Variants in GUCY2C observed in about 807,000 individuals in gnomAD.
The protein encoded by GUCY2C is guanylate cyclase 2C, also known as guanylyl cyclase C.
Under a neutral mutation model 131.1 loss-of-function variants are expected in GUCY2C, and 118 were observed. The ratio of observed to expected loss-of-function variants is 0.90; its 90% CI spans 0.78 to 1.05. The LOEUF is 1.05. GUCY2C is among the 50% of genes least tolerant of loss of function. The pLI is 0.00. For synonymous variants in GUCY2C, 452 were observed against 457.8 expected (o/e 0.99, Z 0.16); for missense variants, 1,161 against 1,304.4 (o/e 0.89, Z 1.69).
chr12:14,672,516 A>G (rs1948135806), intron 9 of GUCY2C, among the ~76,000 whole-genome samples: 1 of 152,346 alleles, frequency 6.6e-6, no homozygotes, highest in South Asian at 2.1e-4. Context: ...TGAGTAAACA[A>G]TTCTTAGGAA....
At chr12:14,651,006 A>C (rs1451427595) in intron 15 of GUCY2C, among the ~76,000 whole-genome samples, 1 of 152,158 alleles carries the variant, frequency 6.6e-6, no homozygotes, top group Non-Finnish European at 1.5e-5. Flanking sequence ...TCCTCAGTCC[A>C]AGAGTGGAGT....
chr12:14,686,034 A>G (rs774539683), intron 3 of GUCY2C, 127 bp downstream of exon 3: 6 of 639,714 alleles, frequency 9.4e-6, no homozygotes, highest in Non-Finnish European at 1.7e-5. Flanking sequence ...AATGACAGTT[A>G]TGGGGAGATG....
chr12:14,675,193 G>T (rs914446906), intron 7 of GUCY2C, among the ~76,000 whole-genome samples: 4 of 112,822 alleles, frequency 3.5e-5, no homozygotes, highest in African/African-American at 3.4e-5. Flanking sequence ...GGGTGACAGA[G>T]TGAAACTCCA....
intron 19 of GUCY2C, among the ~76,000 whole-genome samples, chr12:14,639,638 G>C (rs973929506): frequency 1.3e-5 from 2 of 152,182 alleles, no homozygotes; most frequent in Non-Finnish European, 2.9e-5. Context: ...GAATTGTGTG[G>C]CCATAAGATA....
chr12:14,626,920 G>T (rs1342482576), intron 20 of GUCY2C, among the ~76,000 whole-genome samples: 1 of 152,120 alleles, frequency 6.6e-6, no homozygotes, highest in East Asian at 1.9e-4. Flanking sequence ...TTAAAAGCTG[G>T]TCAAGAAAGT....
At chr12:14,685,159 A>T (rs908354217) in intron 3 of GUCY2C, among the ~76,000 whole-genome samples, 10 of 152,232 alleles carry the variant, frequency 6.6e-5, no homozygotes, top group Admixed American at 2.6e-4. Context: ...TGGTGAATCA[A>T]TTTTTCCAAT....
At chr12:14,630,281 C>A (rs1335601592) in intron 19 of GUCY2C, among the ~76,000 whole-genome samples, 1 of 151,904 alleles carries the variant, frequency 6.6e-6, no homozygotes, top group Non-Finnish European at 1.5e-5. Context: ...CCAATATTCA[C>A]CACTAGATGA....
chr12:14,654,211 C>T (rs1947719663), intron 12 of GUCY2C, among the ~76,000 whole-genome samples: 1 of 152,132 alleles, frequency 6.6e-6, no homozygotes, highest in Non-Finnish European at 1.5e-5. Context: ...ATATTCTGAC[C>T]CTTCCTGTTC....
chr12:14,638,642 A>G (rs1459511273), intron 19 of GUCY2C, among the ~76,000 whole-genome samples: 1 of 152,192 alleles, frequency 6.6e-6, no homozygotes, highest in African/African-American at 2.4e-5. Flanking sequence ...TCACTCATGC[A>G]GGGGCTGAAA....
At chr12:14,667,999 C>CTTTTTT (rs11355096) in intron 10 of GUCY2C, among the ~76,000 whole-genome samples, 6 of 76,498 alleles carry the variant, frequency 7.8e-5, no homozygotes, top group Admixed American at 1.7e-4. Flanking sequence ...TAATAATTTT[C>CTTTTTT]TTTTTTTTTT....
intron 13 of GUCY2C, 94 bp downstream of exon 13, chr12:14,652,858 C>T (rs1947691513): frequency 2.4e-6 from 2 of 838,894 alleles, no homozygotes; most frequent in Non-Finnish European, 4.2e-6. Context: ...GGACTCCCAC[C>T]ATTGTGATAC....
At chr12:14,648,409 A>C (rs1259394807) in intron 15 of GUCY2C, among the ~76,000 whole-genome samples, 1 of 152,200 alleles carries the variant, frequency 6.6e-6, no homozygotes, top group Non-Finnish European at 1.5e-5. Flanking sequence ...TCCTTCCTTC[A>C]TTACAAAAAC....
chr12:14,690,177 C>G (rs1167368737), intron 1 of GUCY2C, among the ~76,000 whole-genome samples: 1 of 152,228 alleles, frequency 6.6e-6, no homozygotes, highest in Non-Finnish European at 1.5e-5. Context: ...ACACATTTCT[C>G]CTCTTAGAAA....
chr12:14,683,452 A>G (rs1207646831), intron 3 of GUCY2C, among the ~76,000 whole-genome samples, 195 bp from the exon 4 acceptor site: 3 of 152,210 alleles, frequency 2.0e-5, no homozygotes, highest in Non-Finnish European at 2.9e-5. Context: ...AGCACATGCT[A>G]TGTTCTAAGC....
intron 1 of GUCY2C, among the ~76,000 whole-genome samples, chr12:14,688,307 C>T (rs1948513186): frequency 6.6e-6 from 1 of 152,020 alleles, no homozygotes; most frequent in Admixed American, 6.6e-5. Flanking sequence ...ATTTATCTAT[C>T]ATAAAAATCA....
chr12:14,643,156 T>C (rs1265449439), intron 17 of GUCY2C, among the ~76,000 whole-genome samples: 1 of 152,242 alleles, frequency 6.6e-6, no homozygotes, highest in Admixed American at 6.5e-5. Context: ...AAATGAATGA[T>C]GTCTTGAATG....
intron 21 of GUCY2C, among the ~76,000 whole-genome samples, chr12:14,625,331 T>C (rs1477702297): frequency 2.0e-5 from 3 of 147,004 alleles, no homozygotes; most frequent in African/African-American, 7.4e-5. Context: ...ACATGCATTT[T>C]TTTTTTTTTT....
At chr12:14,623,056 G>C (rs1946927109) in intron 21 of GUCY2C, among the ~76,000 whole-genome samples, 1 of 152,284 alleles carries the variant, frequency 6.6e-6, no homozygotes, top group East Asian at 1.9e-4. Context: ...GAAACTGGAA[G>C]CTGGGAGGTT....
In GUCY2C at chr12:14,635,549, A is replaced by G. The variant is rs1036191076; in HGVS notation, c.2157+4313T>C. On this transcript the variant is annotated intron_variant, in intron 19 of 26. Transcript: ENST00000261170. ...CTAACAAGGCACCTCAAGGAATTAGAAAAGCAAGAATAAACCAAACCCAAA... is the reference window on the plus strand; with the variant it reads ...CTAACAAGGCACCTCAAGGAATTAGGAAAGCAAGAATAAACCAAACCCAAA... 3.3e-5 allele frequency among the ~76,000 whole-genome samples: 5 copies of G among 152,298 alleles called. No homozygotes were observed. The East Asian group carries it at 9.6e-4, about 29-fold the overall frequency.
Sources: allele counts gnomAD v4.1 joint callset (sites outside exome capture counted in the v4.1 genomes callset), GRCh38; gene constraint gnomAD v4.1.1; transcripts MANE v1.5; gene names NCBI Gene and HGNC (gene_info 2026-07-23, HGNC 2026-07-21).